The following SAMTOR variants were observed in gnomAD, a reference collection of about 807,000 sequenced individuals.
SAMTOR encodes the protein UPF0532 protein C7orf60.
the SAMTOR span, among the ~76,000 whole-genome samples, chr7:112,861,604 A>T: frequency 2.0e-5 from 3 of 152,078 alleles, no homozygotes; most frequent in Non-Finnish European, 4.4e-5. Flanking sequence ...TGGTCCCTTG[A>T]CTCACTGTCA....
At chr7:112,824,294 T>C in the SAMTOR span, among the ~76,000 whole-genome samples, 2 of 152,158 alleles carry the variant, frequency 1.3e-5, no homozygotes, top group East Asian at 3.8e-4. Context: ...TGTTTTCCTT[T>C]AGTAGTTTTA....
the SAMTOR span, among the ~76,000 whole-genome samples, chr7:112,876,276 G>T: frequency 2.7e-5 from 4 of 150,720 alleles, no homozygotes; most frequent in East Asian, 5.8e-4. Context: ...TGAGACTTCT[G>T]TAACTATTTT....
At chr7:112,928,360 C>G in the SAMTOR span, among the ~76,000 whole-genome samples, 1 of 151,752 alleles carries the variant, frequency 6.6e-6, no homozygotes, top group Non-Finnish European at 1.5e-5. Flanking sequence ...ATATTTTCTT[C>G]AAGAGGGTTT....
At chr7:112,902,444 AAAAAC>A in the SAMTOR span, among the ~76,000 whole-genome samples, 126 of 134,102 alleles carry the variant, frequency 9.4e-4, 8 homozygotes, top group East Asian at 1.7e-3. Context: ...AAAAACAAAA[AAAAAC>A]AAAAAAAAAA....
the SAMTOR span, chr7:112,820,128 CTT>C: frequency 6.6e-6 from 1 of 152,468 alleles, no homozygotes; most frequent in African/African-American, 2.4e-5. Flanking sequence ...AATCAACTGA[CTT>C]TAAAAAATTA....
chr7:112,876,080 C>T, the SAMTOR span, among the ~76,000 whole-genome samples: 1 of 152,132 alleles, frequency 6.6e-6, no homozygotes, highest in Admixed American at 6.5e-5. Flanking sequence ...CCCACCTCAG[C>T]GTCCCAAGTA....
chr7:112,874,815 A>C, the SAMTOR span, among the ~76,000 whole-genome samples: 2 of 152,138 alleles, frequency 1.3e-5, no homozygotes, highest in Non-Finnish European at 2.9e-5. Flanking sequence ...ATTTTTTTGA[A>C]TGACTGAAAA....
chr7:112,837,396 C>T, the SAMTOR span, among the ~76,000 whole-genome samples: 1 of 151,996 alleles, frequency 6.6e-6, no homozygotes, highest in Admixed American at 6.6e-5. Context: ...GATAGTTGGA[C>T]TTCTCTGCTT....
the SAMTOR span, among the ~76,000 whole-genome samples, chr7:112,863,784 GA>G: frequency 9.2e-5 from 14 of 152,206 alleles, no homozygotes; most frequent in Non-Finnish European, 1.6e-4. Context: ...AGGTTGTGGG[GA>G]AAAAGGAATG....
At chr7:112,850,599 G>T in the SAMTOR span, among the ~76,000 whole-genome samples, 1 of 152,098 alleles carries the variant, frequency 6.6e-6, no homozygotes, top group Non-Finnish European at 1.5e-5. Context: ...GTTCTGTTGA[G>T]GATTTCTGAT....
At chr7:112,838,053 A>G in the SAMTOR span, among the ~76,000 whole-genome samples, 1 of 152,000 alleles carries the variant, frequency 6.6e-6, no homozygotes, top group Non-Finnish European at 1.5e-5. Context: ...AGACATCAAC[A>G]AAAAGCACAA....
the SAMTOR span, among the ~76,000 whole-genome samples, chr7:112,902,764 C>A: frequency 1.3e-5 from 2 of 152,080 alleles, no homozygotes; most frequent in African/African-American, 2.4e-5. Flanking sequence ...TCTGTACTTT[C>A]TGGTCAATTT....
At chr7:112,868,995 G>A in the SAMTOR span, among the ~76,000 whole-genome samples, 2 of 152,156 alleles carry the variant, frequency 1.3e-5, no homozygotes, top group African/African-American at 4.8e-5. Context: ...AAGACAGGGA[G>A]GGAAGCAGTC....
chr7:112,939,406 G>A, the SAMTOR span: 1 of 833,502 alleles, frequency 1.2e-6, no homozygotes, highest in East Asian at 2.7e-5. Flanking sequence ...AAGAAAAGGG[G>A]GCGGGGAGGA....
the SAMTOR span, among the ~76,000 whole-genome samples, chr7:112,854,146 AAT>A: frequency 9.2e-5 from 14 of 152,234 alleles, no homozygotes; most frequent in East Asian, 2.5e-3. Flanking sequence ...AGCAGAAAAA[AAT>A]AGTTAGAAAA....
chr7:112,938,731 A>C, the SAMTOR span, among the ~76,000 whole-genome samples: 1 of 152,212 alleles, frequency 6.6e-6, no homozygotes, highest in East Asian at 1.9e-4. Flanking sequence ...AAAAGCCTAT[A>C]TTTAAAGATA....
At chr7:112,822,236 A>G in the SAMTOR span, 57 of 1,613,648 alleles carry the variant, frequency 3.5e-5, no homozygotes, top group Non-Finnish European at 3.7e-5. Context: ...GGAGAGAGAA[A>G]ACAACCACAT....
chr7:112,931,575 G>C, the SAMTOR span, among the ~76,000 whole-genome samples: 2 of 152,264 alleles, frequency 1.3e-5, no homozygotes, highest in African/African-American at 2.4e-5. Flanking sequence ...CAGAGCACTT[G>C]CTTAGTTTAA....
At chr7:112,829,215 C>T in the SAMTOR span, among the ~76,000 whole-genome samples, 3 of 152,034 alleles carry the variant, frequency 2.0e-5, no homozygotes, top group African/African-American at 7.3e-5. Context: ...TCTTCAATTT[C>T]CCTTTCCTTC....
Sources: allele counts gnomAD v4.1 joint callset (sites outside exome capture counted in the v4.1 genomes callset), GRCh38; gene constraint gnomAD v4.1.1; transcripts MANE v1.5; gene names NCBI Gene and HGNC (gene_info 2026-07-23, HGNC 2026-07-21).